The following SNX6 variants were observed in gnomAD, a reference collection of about 807,000 sequenced individuals.
SNX6 encodes sorting nexin-6.
In SNX6, 34 loss-of-function variants were observed where a neutral mutation model predicts 63.0. That is an observed-to-expected ratio of 0.54 (90% confidence interval 0.41 to 0.72). The LOEUF is 0.72. Ranked by LOEUF, SNX6 falls within the 30% of genes least tolerant of loss-of-function variation. The pLI is 0.00. For missense variants in SNX6, 398 were observed against 471.4 expected, an observed-to-expected ratio of 0.84 and a Z score of 1.44; for synonymous variants, 170 against 164.2, an observed-to-expected ratio of 1.04 and a Z score of -0.27.
In SNX6 at chr14:34,567,921, T is replaced by C; in HGVS notation, c.1014A>G (p.Leu338=). 1.2e-6 allele frequency: 2 copies of C among 1,613,656 alleles called. No homozygotes were observed. The highest frequency in any genetic ancestry group is 2.2e-5 in the East Asian group (1 of 44,884). ...ATAATTGTTGGGAAGTTTCGGCCTG[T>C]AGAACATCTTTATTTTTTGCTCTTG... is the stretch of plus-strand genomic sequence containing the variant. ...DKARAKNKDV[L]QAETSQQLCC... The change falls in exon 12 of 14, where the codon CTA becomes CTG. Residue 338 remains leucine, a synonymous_variant. Coordinates refer to ENST00000362031, the MANE Select transcript of SNX6 (RefSeq NM_152233.4).
chr14:34,584,886 CTT>C (rs58416106), intron 9 of SNX6, among the ~76,000 whole-genome samples: 3,681 of 151,234 alleles, frequency 0.024, 159 homozygotes, highest in African/African-American at 0.086. Flanking sequence ...GAATTTTGCT[CTT>C]GTTGCCCAGG....
chr14:34,592,926 A>G (rs897338172), intron 8 of SNX6, 119 bp downstream of exon 8: 2 of 705,888 alleles, frequency 2.8e-6, no homozygotes, highest in Non-Finnish European at 4.7e-6. Flanking sequence ...CATGGAGCCT[A>G]GGCTCCAACA....
intron 8 of SNX6, among the ~76,000 whole-genome samples, chr14:34,591,284 T>G (rs1427213601): frequency 6.6e-6 from 1 of 152,086 alleles, no homozygotes; most frequent in Non-Finnish European, 1.5e-5. Context: ...CTTTTACATA[T>G]ATGATTTTGT....
intron 5 of SNX6, chr14:34,604,116 A>G: frequency 8.1e-7 from 1 of 1,239,768 alleles, no homozygotes; most frequent in Non-Finnish European, 1.0e-6. Flanking sequence ...TACGTGCAAG[A>G]AGGATAAGTT....
intron 2 of SNX6, chr14:34,629,582 G>A (rs1479840193): frequency 1.6e-5 from 10 of 613,862 alleles, no homozygotes; most frequent in Non-Finnish European, 2.1e-5. Context: ...AAGTGTCGAG[G>A]GAGGGTGGGG....
At chr14:34,610,554 T>C (rs1011928337) in intron 2 of SNX6, among the ~76,000 whole-genome samples, 2 of 152,104 alleles carry the variant, frequency 1.3e-5, no homozygotes, top group Non-Finnish European at 2.9e-5. Context: ...TCAAATATAA[T>C]TAAACATATT....
intron 8 of SNX6, among the ~76,000 whole-genome samples, chr14:34,586,788 T>C (rs1200103591): frequency 3.3e-5 from 5 of 151,298 alleles, no homozygotes; most frequent in African/African-American, 1.2e-4. Flanking sequence ...GGCAGGTGGA[T>C]CATGAGGTCA....
chr14:34,579,292 G>A (rs1362451308), intron 10 of SNX6, among the ~76,000 whole-genome samples: 2 of 152,068 alleles, frequency 1.3e-5, no homozygotes, highest in African/African-American at 4.8e-5. Context: ...CAGCAGAACA[G>A]ATAAACAAAT....
intron 10 of SNX6, among the ~76,000 whole-genome samples, chr14:34,577,879 T>C (rs1881772742): frequency 6.6e-6 from 1 of 152,144 alleles, no homozygotes; most frequent in African/African-American, 2.4e-5. Flanking sequence ...GACAGACTTT[T>C]TGGAATGTAA....
At chr14:34,628,581 A>AGC (rs1883918680) in intron 2 of SNX6, among the ~76,000 whole-genome samples, 1 of 152,012 alleles carries the variant, frequency 6.6e-6, no homozygotes, top group African/African-American at 2.4e-5. Flanking sequence ...GTGAGCTATA[A>AGC]CCATGCCACT....
intron 9 of SNX6, among the ~76,000 whole-genome samples, chr14:34,582,713 T>C (rs1022563346): frequency 5.3e-5 from 8 of 152,000 alleles, no homozygotes; most frequent in Admixed American, 2.0e-4. Context: ...TGGCTAATTT[T>C]TGTATTTTTA....
At chr14:34,617,805 C>T (rs1883477431) in intron 2 of SNX6, among the ~76,000 whole-genome samples, 1 of 151,448 alleles carries the variant, frequency 6.6e-6, no homozygotes, top group African/African-American at 2.4e-5. Context: ...CCTGTAGTCC[C>T]AGCTACTTGG....
chr14:34,621,436 T>C (rs911531441), intron 2 of SNX6, among the ~76,000 whole-genome samples: 2 of 152,302 alleles, frequency 1.3e-5, no homozygotes, highest in East Asian at 3.9e-4. Flanking sequence ...AGTTCCCAAT[T>C]TGAATTTCAA....
intron 5 of SNX6, among the ~76,000 whole-genome samples, chr14:34,604,666 T>G (rs1882948249): frequency 1.3e-5 from 2 of 151,944 alleles, no homozygotes. Flanking sequence ...AGGGGAAAGA[T>G]TCTGTGTTTT....
chr14:34,568,923 AC>A, intron 11 of SNX6: 2 of 1,299,332 alleles, frequency 1.5e-6, no homozygotes, highest in Non-Finnish European at 2.2e-6. Context: ...CCCCAGCGCC[AC>A]CCCAGAGGTA....
intron 9 of SNX6, among the ~76,000 whole-genome samples, chr14:34,583,012 T>C (rs1197433526): frequency 1.3e-5 from 2 of 150,442 alleles, no homozygotes; most frequent in Non-Finnish European, 3.0e-5. Flanking sequence ...TACCCTTTAA[T>C]AGTCTGGTGT....
chr14:34,583,893 G>C (rs934597698), intron 9 of SNX6, among the ~76,000 whole-genome samples: 3 of 148,316 alleles, frequency 2.0e-5, no homozygotes, highest in African/African-American at 7.4e-5. Context: ...TGTTGCCAAG[G>C]CTAGAGTACA....
intron 5 of SNX6, chr14:34,604,257 G>T (rs1183140996): frequency 7.8e-7 from 1 of 1,282,970 alleles, no homozygotes; most frequent in Admixed American, 2.4e-5. Context: ...AAGGTTCTCT[G>T]TTATCCAACC....
chr14:34,598,240 C>T (rs917709444), intron 6 of SNX6, among the ~76,000 whole-genome samples: 2 of 152,166 alleles, frequency 1.3e-5, no homozygotes, highest in African/African-American at 4.8e-5. Flanking sequence ...ACTCCTAGCA[C>T]TTGCTGTATC....
Sources: gnomAD v4.1 joint callset for allele counts (sites outside exome capture counted in the v4.1 genomes callset) on GRCh38, gnomAD v4.1.1 for gene constraint, MANE v1.5 for transcripts, NCBI Gene and HGNC (gene_info 2026-07-23, HGNC 2026-07-21) for gene names.